DOP1A: variants seen among roughly 807,000 people sequenced by gnomAD.
DOP1A encodes protein DOP1A.
Under a neutral mutation model 267.6 loss-of-function variants are expected in DOP1A, and 90 were observed. The ratio of observed to expected loss-of-function variants is 0.34; its 90% confidence interval spans 0.28 to 0.40. The LOEUF (loss-of-function observed/expected upper bound fraction) is 0.40, where lower values mean the gene tolerates loss of function less well. DOP1A is among the 10% of genes least tolerant of loss of function. The pLI, the probability that DOP1A is intolerant of heterozygous loss-of-function variation, is 1.00. For missense variants in DOP1A, 2,437 were observed against 2,900.4 expected (o/e 0.84, Z 3.67); for synonymous variants, 932 against 999.1 (o/e 0.93, Z 1.27).
At chr6:83,127,760 A>G (rs1277755524) in intron 15 of DOP1A, among the ~76,000 whole-genome samples, 1 of 152,200 alleles carries the variant, frequency 6.6e-6, no homozygotes. Context: ...TAATAGATTG[A>G]TAAGGGTAAT....
At chr6:83,110,466 T>A in intron 6 of DOP1A, 152 bp downstream of exon 6, 2 of 777,796 alleles carry the variant, frequency 2.6e-6, no homozygotes, top group South Asian at 2.8e-5. Context: ...AAATAATAAT[T>A]ATTATTTTTA....
intron 1 of DOP1A, among the ~76,000 whole-genome samples, chr6:83,077,804 T>C (rs1040448876): frequency 1.3e-5 from 2 of 152,242 alleles, no homozygotes; most frequent in Admixed American, 1.3e-4. Context: ...CTGGGCCACA[T>C]TGGAAGAAGA....
At chr6:83,132,421 T>A (rs960011475) in intron 18 of DOP1A, 93 bp downstream of exon 18, 1 of 1,343,858 alleles carries the variant, frequency 7.4e-7, no homozygotes, top group Admixed American at 2.2e-5. Context: ...GGGAAATTAT[T>A]GCAATTAACA....
intron 36 of DOP1A, among the ~76,000 whole-genome samples, chr6:83,159,157 T>C (rs879690680): frequency 3.3e-5 from 5 of 152,200 alleles, no homozygotes; most frequent in Non-Finnish European, 7.3e-5. Context: ...ATAAAAAGGA[T>C]CTCCTGTACT....
intron 1 of DOP1A, among the ~76,000 whole-genome samples, chr6:83,069,049 G>T (rs1286576161): frequency 6.6e-6 from 1 of 152,162 alleles, no homozygotes; most frequent in Non-Finnish European, 1.5e-5. Flanking sequence ...TTAAATGTTT[G>T]TATACATTCA....
chr6:83,159,849 G>A lies in DOP1A; in HGVS notation c.6851G>A (p.Gly2284Asp). The part of the protein sequence containing the change: ...GLETTYTGGN[G>D]FSTSYNSQRW... Reference sequence around the variant, plus strand: ...GAGACAACGTACACAGGAGGTAATGGCTTCTCTACTTCATATAACAGCCAG... The same window carrying A: ...GAGACAACGTACACAGGAGGTAATGACTTCTCTACTTCATATAACAGCCAG... Residue 2284 changes from glycine to aspartate, a missense_variant, in exon 37 of 39, where the codon GGC becomes GAC. By Grantham distance (94) the Gly-to-Asp change is moderately conservative. Coordinates refer to ENST00000349129, the MANE Select transcript of DOP1A (RefSeq NM_015018.4). 1 of 1,614,126 alleles carries A rather than the reference G, an allele frequency of 6.2e-7. No individual in the cohort carries two copies. The highest frequency in any genetic ancestry group is 8.5e-7 in the Non-Finnish European group (1 of 1,180,036).
chr6:83,100,749 G>T lies in DOP1A; in HGVS notation c.183G>T (p.Leu61=). The part of the protein sequence containing the change: ...NAKYQVVPKK[L]TIGKRLAQCL... ...AGTACCAAGTAGTACCCAAAAAGCTGACCATAGGCAAACGCCTAGCTCAAT... is the reference window on the plus strand; with the variant it reads ...AGTACCAAGTAGTACCCAAAAAGCTTACCATAGGCAAACGCCTAGCTCAAT... The change falls in exon 4 of 39, where the codon CTG becomes CTT. Residue 61 remains leucine, a synonymous_variant. Transcript: ENST00000349129. 1 of 1,555,768 alleles carries T rather than the reference G, an allele frequency of 6.4e-7. No homozygotes were observed.
rs757431497 is a variant in DOP1A at position 83,122,009 on chromosome 6, A to G, written c.1179A>G (p.Gln393=). ...AATGCAAAGCAGAGTTGGATCTTCA[A>G]ACTGAACCACCCTTCAGCAAGGATC... ...YSQCKAELDL[Q]TEPPFSKDHA... is the part of the protein sequence containing the mutation. Residue 393 remains glutamine, a synonymous_variant, in exon 11 of 39, where the codon CAA becomes CAG. Coordinates refer to ENST00000349129, the MANE Select transcript of DOP1A (RefSeq NM_015018.4). 8.1e-6 allele frequency: 13 copies of G among 1,611,640 alleles called. No individual in the cohort carries two copies. In the East Asian group the frequency reaches 2.0e-4, roughly 25 times the overall value.
Position 83,153,492 on chromosome 6 carries a change from AT to A in DOP1A, c.6130-13del. On this transcript the variant is annotated intron_variant, in intron 30 of 38. Coordinates refer to ENST00000349129, the MANE Select transcript of DOP1A (RefSeq NM_015018.4). The stretch of plus-strand genomic sequence containing the variant: ...AGTTTCACCTCATATGTTACTCTTC[AT>A]TTTTTATGTTTTCATAGGTTTTGGC... The A allele has an allele frequency of 6.5e-7, 1 of 1,543,052 alleles. No homozygotes were observed.
In DOP1A at chr6:83,147,256, C is replaced by G. The variant is rs747109682; in HGVS notation, c.5697C>G (p.Val1899=). 4 of 1,494,440 alleles carry G rather than the reference C, an allele frequency of 2.7e-6. No homozygotes were observed. In the East Asian group the frequency reaches 6.9e-5, roughly 26 times the overall value. The allele number at this position is 1,494,440 out of a possible 1,614,324, so 92.6% of individuals were successfully genotyped here. A position where few individuals can be genotyped will look rare whatever the true frequency, so the allele number is the denominator to read the frequency against. The change falls in exon 26 of 39, where the codon GTC becomes GTG. Residue 1899 remains valine (V), a synonymous_variant. Coordinates refer to ENST00000349129, the MANE Select transcript of DOP1A (RefSeq NM_015018.4). ...TATAGAAACATCTTTCTTTGGAAGT[C>G]TGCATGCTTCAGTTTTTCTATGCTT... ...AKDKKHLSLE[V]CMLQFFYAYI...
intron 38 of DOP1A, chr6:83,167,066 C>T (rs1322457362): frequency 7.1e-6 from 7 of 984,810 alleles, no homozygotes; most frequent in Non-Finnish European, 8.4e-6. Context: ...CTCAAACTAG[C>T]CTCTTAATAC....
intron 1 of DOP1A, among the ~76,000 whole-genome samples, chr6:83,083,302 T>C (rs1374237120): frequency 2.0e-5 from 3 of 151,914 alleles, no homozygotes; most frequent in Non-Finnish European, 2.9e-5. Context: ...TTATTATAGT[T>C]TTTTTTTAAG....
At chr6:83,112,718 C>T (rs1774777453) in intron 6 of DOP1A, among the ~76,000 whole-genome samples, 1 of 152,178 alleles carries the variant, frequency 6.6e-6, no homozygotes. Flanking sequence ...CCACCTTAGC[C>T]TCCCAAAGTG....
chr6:83,082,934 A>G (rs1418491784), intron 1 of DOP1A, among the ~76,000 whole-genome samples: 2 of 151,834 alleles, frequency 1.3e-5, no homozygotes, highest in African/African-American at 4.8e-5. Flanking sequence ...CAGCCTCCCA[A>G]GTAGCTGGGA....
intron 4 of DOP1A, among the ~76,000 whole-genome samples, chr6:83,104,837 T>C (rs1467463560): frequency 6.6e-6 from 1 of 151,276 alleles, no homozygotes; most frequent in Non-Finnish European, 1.5e-5. Context: ...CAAGCCATCC[T>C]TTTTTTTTAA....
intron 34 of DOP1A, 124 bp from the exon 35 acceptor site, chr6:83,157,058 G>A: frequency 1.1e-6 from 1 of 877,580 alleles, no homozygotes; most frequent in South Asian, 2.1e-5. Context: ...ATCTACAACA[G>A]TTTTGAATTT....
chr6:83,117,558 G>A (rs1394714232), intron 7 of DOP1A, among the ~76,000 whole-genome samples: 1 of 152,172 alleles, frequency 6.6e-6, no homozygotes, highest in Non-Finnish European at 1.5e-5. Context: ...GTACATGGCT[G>A]TGAAAATATA....
intron 1 of DOP1A, among the ~76,000 whole-genome samples, chr6:83,070,301 G>T (rs1466975695): frequency 6.6e-6 from 1 of 152,146 alleles, no homozygotes; most frequent in Non-Finnish European, 1.5e-5. Context: ...ATTGAGAATT[G>T]TATGAAAATA....
intron 4 of DOP1A, among the ~76,000 whole-genome samples, chr6:83,107,121 G>A (rs1773753940): frequency 2.0e-5 from 3 of 151,822 alleles, no homozygotes; most frequent in South Asian, 2.1e-4. Context: ...TAAGCCAGAA[G>A]GTTAGTTAGA....
Sources: gnomAD v4.1 joint callset for allele counts (sites outside exome capture counted in the v4.1 genomes callset) on GRCh38, gnomAD v4.1.1 for gene constraint, MANE v1.5 for transcripts, NCBI Gene and HGNC (gene_info 2026-07-23, HGNC 2026-07-21) for gene names.